Variants in CCDC47 observed in about 807,000 individuals in gnomAD.
CCDC47 encodes coiled-coil domain containing 47.
Under a neutral mutation model 60.5 loss-of-function variants are expected in CCDC47, and 41 were observed. The ratio of observed to expected loss-of-function variants is 0.68; its 90% CI spans 0.53 to 0.88. CCDC47 has a LOEUF of 0.88. Among genes scored for constraint, CCDC47 ranks in the 40% least tolerant of loss-of-function variants. The pLI is 0.00. For synonymous variants in CCDC47, 195 were observed against 190.7 expected, an observed-to-expected ratio of 1.02 and a Z score of -0.18; for missense variants, 513 against 580.9, an observed-to-expected ratio of 0.88 and a Z score of 1.20.
chr17:63,745,312 A>G lies in CCDC47; in HGVS notation c.*1569T>C, dbSNP rs567987437. The G allele has an allele frequency of 2.6e-5, 4 of 152,628 alleles. No homozygotes were observed. Among genetic ancestry groups the G allele is most frequent in the Non-Finnish European group, 5.9e-5 (4 of 68,030 alleles). 9.5% of individuals were successfully genotyped at this position (152,628 alleles called of 1,614,324 possible). ...TAGTTCATATGAATGCTTAAGTTAC[A>G]AAATTAGCTGCCATGGTCCAAATGT... On this transcript the variant is annotated 3_prime_UTR_variant, in exon 13 of 13. Coordinates refer to ENST00000225726, the MANE Select transcript of CCDC47 (RefSeq NM_020198.3).
rs980870435 is a variant in CCDC47, at chr17:63,751,909, T to C, written c.1371+31A>G. The stretch of plus-strand genomic sequence containing the variant: ...CACAAGCAGTCATCCTTACAAATCG[T>C]AGTTTTACCCCAGTGATAAGTTTGT... On this transcript the variant is annotated intron_variant, in intron 12 of 12. Coordinates refer to ENST00000225726, the MANE Select transcript of CCDC47 (RefSeq NM_020198.3). 11 of 1,611,336 alleles carry C rather than the reference T, an allele frequency of 6.8e-6. No homozygotes were observed. In the Admixed American group the frequency reaches 1.8e-4, roughly 27 times the overall value.
intron 1 of CCDC47, among the ~76,000 whole-genome samples, chr17:63,768,042 C>T (rs1455745480): frequency 6.6e-6 from 1 of 152,186 alleles, no homozygotes; most frequent in African/African-American, 2.4e-5. Flanking sequence ...TCTCCCCACT[C>T]CCTACTTTTC....
intron 1 of CCDC47, among the ~76,000 whole-genome samples, chr17:63,771,463 T>C (rs1344194312): frequency 1.3e-5 from 2 of 152,152 alleles, no homozygotes; most frequent in Non-Finnish European, 2.9e-5. Context: ...TAGTTGATCC[T>C]TCAGGTTAGT....
chr17:63,751,907 C>G, intron 12 of CCDC47, 33 bp downstream of exon 12: 2 of 1,610,488 alleles, frequency 1.2e-6, no homozygotes, highest in Non-Finnish European at 1.7e-6. Context: ...CCTTACAAAT[C>G]GTAGTTTTAC....
intron 4 of CCDC47, among the ~76,000 whole-genome samples, chr17:63,762,906 G>A (rs562809203): frequency 1.1e-4 from 16 of 152,130 alleles, no homozygotes; most frequent in Non-Finnish European, 2.1e-4. Flanking sequence ...TGAAAGATGA[G>A]AAAATTATTA....
At chr17:63,760,887 C>T in intron 6 of CCDC47, 27 bp downstream of exon 6, 4 of 1,511,166 alleles carry the variant, frequency 2.6e-6, no homozygotes, top group Non-Finnish European at 3.7e-6. Flanking sequence ...AGTCTGTACA[C>T]AGAAAACCAG....
chr17:63,749,641 A>G (rs544217616), intron 12 of CCDC47, among the ~76,000 whole-genome samples: 1 of 151,914 alleles, frequency 6.6e-6, no homozygotes, highest in East Asian at 1.9e-4. Context: ...CCCAGCTACT[A>G]GGGAGGCTGA....
At chr17:63,761,461 C>T in intron 4 of CCDC47, 110 bp from the exon 5 acceptor site, 1 of 1,144,886 alleles carries the variant, frequency 8.7e-7, no homozygotes. Flanking sequence ...GTGGGTGGAT[C>T]ACGAGGTCAG....
chr17:63,749,237 T>A (rs1013148402), intron 12 of CCDC47, among the ~76,000 whole-genome samples: 1 of 149,640 alleles, frequency 6.7e-6, no homozygotes, highest in Admixed American at 6.7e-5. Context: ...TGAAACCCCA[T>A]TTCTACTAAA....
Position 63,746,932 on chromosome 17 carries a change from C to T in CCDC47, c.1401G>A (p.Lys467=). ...EEAALRREQK[K]LEKKQMKMKQ... is the part of the protein sequence containing the mutation. ...TCATTTTCATTTGCTTCTTTTCCAA[C>T]TTCTTTTGCTCACGCCTCAATGCAG... is the stretch of plus-strand genomic sequence containing the variant. The change falls in exon 13 of 13, where the codon AAG becomes AAA. Residue 467 remains lysine (K), a synonymous_variant. Coordinates refer to ENST00000225726, the MANE Select transcript of CCDC47 (RefSeq NM_020198.3). The T allele has an allele frequency of 6.2e-7, 1 of 1,613,638 alleles. No homozygotes were observed. Among genetic ancestry groups the T allele is most frequent in the Middle Eastern group, 1.7e-4 (1 of 6,058 alleles).
chr17:63,756,162 C>T (rs894612597), intron 8 of CCDC47, 78 bp downstream of exon 8: 65 of 925,838 alleles, frequency 7.0e-5, no homozygotes, highest in Non-Finnish European at 1.2e-4. Flanking sequence ...AAATGATGAA[C>T]TTGTACAATG....
chr17:63,758,710 T>C (rs562516364), intron 6 of CCDC47, among the ~76,000 whole-genome samples: 150 of 152,206 alleles, frequency 9.9e-4, no homozygotes, highest in African/African-American at 3.3e-3. Flanking sequence ...TGATATGATA[T>C]ATTTGTTATA....
At chr17:63,757,882 C>T (rs1480893297) in intron 6 of CCDC47, among the ~76,000 whole-genome samples, 1 of 152,038 alleles carries the variant, frequency 6.6e-6, no homozygotes, top group East Asian at 1.9e-4. Context: ...CCCTAGTTAG[C>T]CTCAGGATGG....
intron 6 of CCDC47, among the ~76,000 whole-genome samples, chr17:63,757,377 A>T (rs202114179): frequency 1.1e-4 from 6 of 53,708 alleles, no homozygotes; most frequent in African/African-American, 1.6e-4. Flanking sequence ...AAAAAAAATT[A>T]AAAAAAAAAA....
chr17:63,766,328 A>G (rs201133358), intron 1 of CCDC47, 134 bp from the exon 2 acceptor site: 11 of 817,708 alleles, frequency 1.3e-5, no homozygotes, highest in Non-Finnish European at 1.8e-5. Context: ...CACATTATAT[A>G]AAGAACAATG....
At chr17:63,765,643 T>G in intron 2 of CCDC47, 1 of 1,144,864 alleles carries the variant, frequency 8.7e-7, no homozygotes, top group East Asian at 5.1e-5. Context: ...CCCAGCCAAT[T>G]GCAAAGTTCT....
At chr17:63,762,245 A>C (rs1408028334) in intron 4 of CCDC47, 2 of 985,294 alleles carry the variant, frequency 2.0e-6, no homozygotes, top group African/African-American at 3.5e-5. Flanking sequence ...CTGATACACC[A>C]AATGAAAACA....
At chr17:63,750,394 G>A (rs2039153897) in intron 12 of CCDC47, among the ~76,000 whole-genome samples, 1 of 152,082 alleles carries the variant, frequency 6.6e-6, no homozygotes, top group Non-Finnish European at 1.5e-5. Flanking sequence ...GATAAAAGGG[G>A]TAAGATGATG....
chr17:63,756,365 A>T lies in CCDC47; in HGVS notation c.838-15T>A, dbSNP rs770990627. 1 of 1,603,906 alleles carries T rather than the reference A, an allele frequency of 6.2e-7. No individual in the cohort carries two copies. The highest frequency in any genetic ancestry group is 8.5e-7 in the Non-Finnish European group (1 of 1,170,656). ...CAAAACTCACTCTAGAGGAAGAAGTAATTGAAAGTAAGATATGACCTTTTA... is the reference window on the plus strand; with the variant it reads ...CAAAACTCACTCTAGAGGAAGAAGTTATTGAAAGTAAGATATGACCTTTTA... On this transcript the variant is annotated splice_polypyrimidine_tract_variant and intron_variant, in intron 7 of 12. Transcript: ENST00000225726.
Sources: allele counts gnomAD v4.1 joint callset (sites outside exome capture counted in the v4.1 genomes callset), GRCh38; gene constraint gnomAD v4.1.1; transcripts MANE v1.5; gene names NCBI Gene and HGNC (gene_info 2026-07-23, HGNC 2026-07-21).